The following SLC41A2 variants were observed in gnomAD, a reference collection of about 807,000 sequenced individuals.
SLC41A2 encodes SLC41A1-like 1.
A neutral mutation model predicts 58.3 loss-of-function variants in SLC41A2; 32 were observed. The observed-to-expected ratio is 0.55, with a 90% CI of 0.41 to 0.74. The LOEUF is 0.74. Ranked by LOEUF, SLC41A2 falls within the 30% of genes least tolerant of loss-of-function variation. The probability of loss-of-function intolerance (pLI) is 0.00; values close to 1 mark genes in which losing one functional copy is unlikely to be tolerated. For missense variants in SLC41A2, 514 were observed against 680.6 expected (o/e 0.76, Z 2.72); for synonymous variants, 190 against 235.0 (o/e 0.81, Z 1.75).
chr12:104,922,840 C>A (rs1251187039), intron 2 of SLC41A2, among the ~76,000 whole-genome samples: 1 of 152,020 alleles, frequency 6.6e-6, no homozygotes, highest in Non-Finnish European at 1.5e-5. Flanking sequence ...CTGCAGAGCA[C>A]AATGGAATAA....
intron 10 of SLC41A2, among the ~76,000 whole-genome samples, chr12:104,826,377 G>T (rs1031657343): frequency 6.6e-6 from 1 of 152,184 alleles, no homozygotes; most frequent in African/African-American, 2.4e-5. Context: ...ATACGTGCAG[G>T]CTTTCTATAC....
At chr12:104,886,263 C>T in intron 6 of SLC41A2, 30 bp downstream of exon 6, 1 of 1,605,182 alleles carries the variant, frequency 6.2e-7, no homozygotes, top group Non-Finnish European at 8.5e-7. Context: ...CTTGAGACAA[C>T]ACACAATATT....
chr12:104,918,081 AAT>A lies in SLC41A2; in HGVS notation c.556-8321_556-8320del, dbSNP rs559777978. Among the ~76,000 whole-genome samples, 592 of 151,268 alleles carry A rather than the reference AAT, an allele frequency of 3.9e-3. 4 individuals are homozygous for A. The highest frequency in any genetic ancestry group is 0.014 in the African/African-American group (566 of 41,394). On this transcript the variant is annotated intron_variant, in intron 2 of 10. Coordinates refer to ENST00000258538, the MANE Select transcript of SLC41A2 (RefSeq NM_001352171.3). Reference sequence around the variant, plus strand: ...GACCAACTTCAATCATAATTATAGAAATACAAATGAAAAGGTGAAAAGTTTTC... The same window carrying A: ...GACCAACTTCAATCATAATTATAGAAACAAATGAAAAGGTGAAAAGTTTTC...
At chr12:104,902,543 G>A (rs2045613870) in intron 3 of SLC41A2, among the ~76,000 whole-genome samples, 1 of 152,178 alleles carries the variant, frequency 6.6e-6, no homozygotes. Flanking sequence ...GTACAGATCT[G>A]AGAACAGCAA....
chr12:104,830,428 T>C (rs1024288947), intron 10 of SLC41A2, among the ~76,000 whole-genome samples: 5 of 152,204 alleles, frequency 3.3e-5, no homozygotes, highest in Non-Finnish European at 7.3e-5. Context: ...GAGGATTCAA[T>C]GTAGTGTGAA....
intron 1 of SLC41A2, among the ~76,000 whole-genome samples, chr12:104,940,403 C>T (rs2047461060): frequency 1.3e-5 from 2 of 150,956 alleles, no homozygotes; most frequent in South Asian, 2.1e-4. Flanking sequence ...TGTTAAATGA[C>T]GAGTTAATGG....
chr12:104,810,350 G>T (rs1194223133), intron 10 of SLC41A2, among the ~76,000 whole-genome samples: 2 of 150,798 alleles, frequency 1.3e-5, no homozygotes. Flanking sequence ...AAAGAATGAG[G>T]GTAGCTAATT....
intron 7 of SLC41A2, among the ~76,000 whole-genome samples, chr12:104,865,104 C>A (rs1356694609): frequency 1.3e-5 from 2 of 152,122 alleles, no homozygotes; most frequent in Non-Finnish European, 2.9e-5. Flanking sequence ...AAAGGACTCA[C>A]AAGGGTTAGT....
intron 1 of SLC41A2, among the ~76,000 whole-genome samples, chr12:104,945,830 C>T (rs2135962228): frequency 6.6e-6 from 1 of 152,282 alleles, no homozygotes; most frequent in Non-Finnish European, 1.5e-5. Context: ...AGCCATAATT[C>T]ACTTATATCT....
chr12:104,866,237 T>C (rs1377636193), intron 7 of SLC41A2, among the ~76,000 whole-genome samples, 195 bp downstream of exon 7: 1 of 152,160 alleles, frequency 6.6e-6, no homozygotes, highest in Non-Finnish European at 1.5e-5. Context: ...ATGCCTGTCA[T>C]TTAGATCCCT....
At chr12:104,807,472 G>A (rs982366053) in intron 10 of SLC41A2, among the ~76,000 whole-genome samples, 11 of 152,190 alleles carry the variant, frequency 7.2e-5, no homozygotes, top group African/African-American at 2.7e-4. Flanking sequence ...CTGTAGCCTT[G>A]TAGTATAGTT....
chr12:104,833,787 G>GTT (rs35911723), intron 10 of SLC41A2, among the ~76,000 whole-genome samples: 72 of 147,118 alleles, frequency 4.9e-4, no homozygotes, highest in East Asian at 3.0e-3. Flanking sequence ...GTGTTTTGTT[G>GTT]TTTTTTTTTT....
In SLC41A2 at chr12:104,804,553, TGAAATTGAATTGGCATCA is replaced by T. The variant is rs1281205404; in HGVS notation, c.*581_*598del. 1 of 152,224 alleles carries T rather than the reference TGAAATTGAATTGGCATCA, an allele frequency of 6.6e-6. No homozygotes were observed. The highest frequency in any genetic ancestry group is 1.5e-5 in the Non-Finnish European group (1 of 68,040). 9.4% of individuals were successfully genotyped at this position (152,224 alleles called of 1,614,324 possible). A position where few individuals can be genotyped will look rare whatever the true frequency, so the allele number is the denominator to read the frequency against. On this transcript the variant is annotated 3_prime_UTR_variant, in exon 11 of 11. Transcript: ENST00000258538. ...TTAGCCTGACAAGAACTTGCAGAGC[TGAAATTGAATTGGCATCA>T]GAACAGGATAATTTTAGATGGAGGT...
At chr12:104,866,755 A>C (rs2043486030) in intron 6 of SLC41A2, among the ~76,000 whole-genome samples, 176 bp from the exon 7 acceptor site, 1 of 152,278 alleles carries the variant, frequency 6.6e-6, no homozygotes, top group Middle Eastern at 3.4e-3. Flanking sequence ...AAAAATATTA[A>C]ACAATGTAAC....
At chr12:104,839,227 T>C (rs565205898) in intron 10 of SLC41A2, among the ~76,000 whole-genome samples, 1 of 152,286 alleles carries the variant, frequency 6.6e-6, no homozygotes, top group East Asian at 1.9e-4. Flanking sequence ...TTCAATAGAA[T>C]AGGGCTATTG....
intron 3 of SLC41A2, among the ~76,000 whole-genome samples, chr12:104,905,677 C>T (rs537871539): frequency 1.3e-5 from 2 of 152,354 alleles, no homozygotes; most frequent in Non-Finnish European, 2.9e-5. Context: ...CAGCTAAGGC[C>T]CGGCGAGAAA....
chr12:104,828,785 C>T (rs887016224), intron 10 of SLC41A2, among the ~76,000 whole-genome samples: 1 of 151,464 alleles, frequency 6.6e-6, no homozygotes, highest in East Asian at 1.9e-4. Context: ...ATATATCTAA[C>T]AAAAAAGTAG....
At chr12:104,934,094 G>GT (rs771540009) in intron 1 of SLC41A2, among the ~76,000 whole-genome samples, 5 of 151,810 alleles carry the variant, frequency 3.3e-5, no homozygotes, top group Non-Finnish European at 2.9e-5. Flanking sequence ...AAGTTTTATG[G>GT]TCGATTTAAA....
chr12:104,877,138 A>G (rs1397354857), intron 6 of SLC41A2, among the ~76,000 whole-genome samples: 1 of 152,230 alleles, frequency 6.6e-6, no homozygotes, highest in African/African-American at 2.4e-5. Context: ...AGTGTTTTCA[A>G]AATAGTTCAG....
Sources: allele counts gnomAD v4.1 joint callset (sites outside exome capture counted in the v4.1 genomes callset), GRCh38; gene constraint gnomAD v4.1.1; transcripts MANE v1.5; gene names NCBI Gene and HGNC (gene_info 2026-07-23, HGNC 2026-07-21).